Variants in ATP1B2 observed in about 807,000 individuals in gnomAD.
ATP1B2 encodes the protein sodium/potassium-transporting ATPase subunit beta-2.
ATP1B2 carries 12 observed loss-of-function variants against 37.3 expected under a neutral mutation model. That is an observed-to-expected ratio of 0.32 (90% CI 0.21 to 0.52). The LOEUF is 0.52. ATP1B2 is among the 20% of genes least tolerant of loss of function. The probability of loss-of-function intolerance (pLI) is 0.96; values close to 1 mark genes in which losing one functional copy is unlikely to be tolerated. For missense variants in ATP1B2, 324 were observed against 391.6 expected, an observed-to-expected ratio of 0.83 and a Z score of 1.46; for synonymous variants, 139 against 140.5, an observed-to-expected ratio of 0.99 and a Z score of 0.07.
rs1037455614 is a variant in ATP1B2 at position 7,656,027 on chromosome 17, C to G, written c.*132C>G. The G allele has an allele frequency of 1.6e-6, 2 of 1,262,726 alleles. No homozygotes were observed. The highest frequency in any genetic ancestry group is 2.2e-6 in the Non-Finnish European group (2 of 924,328). The allele number at this position is 1,262,726 out of a possible 1,614,324, so 78.2% of individuals were successfully genotyped here. Reference sequence around the variant, plus strand: ...CTATGACTTGTCTGAGCCTCACATCCTTTTCCTTGACTTCTCAACCCAGCC... The same window carrying G: ...CTATGACTTGTCTGAGCCTCACATCGTTTTCCTTGACTTCTCAACCCAGCC... On this transcript the variant is annotated 3_prime_UTR_variant, in exon 7 of 7. Coordinates refer to ENST00000250111, the MANE Select transcript of ATP1B2 (RefSeq NM_001678.5).
chr17:7,655,115 C>T lies in ATP1B2; in HGVS notation c.610-412C>T. On this transcript the variant is annotated intron_variant, in intron 5 of 6. Transcript: ENST00000250111. The surrounding 1 kb of genome is among the most constrained non-coding windows in gnomAD (Gnocchi z 4.4). ...CCACCAGTTCGTTGTCCTTGGGACC[C>T]TGTTCCCCGCTTCCCCCCCGGTCTG... is the stretch of plus-strand genomic sequence containing the variant. 6.4e-6 allele frequency: 2 copies of T among 314,618 alleles called. No individual in the cohort carries two copies. The highest frequency in any genetic ancestry group is 7.3e-5 in the East Asian group (1 of 13,618). 19.5% of individuals were successfully genotyped at this position (314,618 alleles called of 1,614,324 possible). A position where few individuals can be genotyped will look rare whatever the true frequency, so the allele number is the denominator to read the frequency against.
upstream of ATP1B2, among the ~76,000 whole-genome samples, chr17:7,650,712 A>G (rs1052296900): frequency 1.4e-4 from 21 of 150,738 alleles, no homozygotes; most frequent in East Asian, 2.7e-3. Flanking sequence ...TCTTCCTCCC[A>G]CCCTGTCCCA....
chr17:7,651,740 A>G (rs1009216432), intron 1 of ATP1B2, 110 bp downstream of exon 1: 33 of 950,488 alleles, frequency 3.5e-5, no homozygotes, highest in Non-Finnish European at 4.5e-5. Flanking sequence ...CCCGGCGTCC[A>G]GCCTCCCTGC....
chr17:7,650,877 C>A (rs1303187836), upstream of ATP1B2, among the ~76,000 whole-genome samples: 1 of 152,152 alleles, frequency 6.6e-6, no homozygotes, highest in Non-Finnish European at 1.5e-5. Flanking sequence ...GGGGCGGGCA[C>A]CCCCAGAGCC....
chr17:7,656,111 C>T lies in ATP1B2; in HGVS notation c.*216C>T. ...CCACCAACTTCTCCCAACCTCAGATCAGTCAGACAGGGAGCTGGGCTAAGA... is the reference window on the plus strand; with the variant it reads ...CCACCAACTTCTCCCAACCTCAGATTAGTCAGACAGGGAGCTGGGCTAAGA... On this transcript the variant is annotated 3_prime_UTR_variant, in exon 7 of 7. Transcript: ENST00000250111. 1 of 624,184 alleles carries T rather than the reference C, an allele frequency of 1.6e-6. No homozygotes were observed. Among genetic ancestry groups the T allele is most frequent in the South Asian group, 2.0e-5 (1 of 50,096 alleles). 38.7% of individuals were successfully genotyped at this position (624,184 alleles called of 1,614,324 possible). A position where few individuals can be genotyped will look rare whatever the true frequency, so the allele number is the denominator to read the frequency against.
chr17:7,650,671 C>T (rs1353292989), upstream of ATP1B2, among the ~76,000 whole-genome samples: 2 of 152,126 alleles, frequency 1.3e-5, no homozygotes, highest in Non-Finnish European at 2.9e-5. Context: ...GGTTATCTTT[C>T]CCTCTACTCC....
At position 7,651,612 on chromosome 17, in the gene ATP1B2, C is replaced by T. The variant is rs1452019600; in HGVS notation, c.94C>T (p.Arg32Cys). 6.2e-7 allele frequency: 1 copy of T among 1,602,694 alleles called. No homozygotes were observed. The highest frequency in any genetic ancestry group is 1.3e-5 in the African/African-American group (1 of 74,476). ...WNPRTHQFMG[R>C]TGTSWAFILL... ...CCCGAGGACGCACCAGTTTATGGGC[C>T]GCACCGGGACCAGCTGGGGTACGCA... The change falls in exon 1 of 7, where the codon CGC (arginine) becomes TGC (cysteine). Residue 32 changes from arginine to cysteine, a missense_variant. Coordinates refer to ENST00000250111, the MANE Select transcript of ATP1B2 (RefSeq NM_001678.5).
chr17:7,649,534 C>G (rs1280757771), upstream of ATP1B2, among the ~76,000 whole-genome samples: 2 of 151,854 alleles, frequency 1.3e-5, no homozygotes, highest in Non-Finnish European at 2.9e-5. Flanking sequence ...ACTACAGGCA[C>G]CCACCACCAT....
At position 7,654,803 on chromosome 17, in the gene ATP1B2, C is replaced by T. The variant is rs774712270; in HGVS notation, c.609+119C>T. The T allele has an allele frequency of 6.1e-5, 75 of 1,222,502 alleles. No individual in the cohort carries two copies. In the South Asian group the frequency reaches 9.3e-4, roughly 15 times the overall value. 75.7% of individuals were successfully genotyped at this position (1,222,502 alleles called of 1,614,324 possible). ...TTCTTTGCTCCTAGAGGCCCCATCA[C>T]CATAGAAACAAGGGGGTAAGAGTGG... On this transcript the variant is annotated intron_variant, in intron 5 of 6. Coordinates refer to ENST00000250111, the MANE Select transcript of ATP1B2 (RefSeq NM_001678.5). This position sits in a 1 kb window ranked among gnomAD's most constrained non-coding sequence, Gnocchi z 4.9.
upstream of ATP1B2, among the ~76,000 whole-genome samples, chr17:7,648,045 G>T (rs2072585722): frequency 6.6e-6 from 1 of 152,014 alleles, no homozygotes; most frequent in Admixed American, 6.6e-5. Flanking sequence ...TTCCACACCA[G>T]CCTGGCCAAC....
upstream of ATP1B2, among the ~76,000 whole-genome samples, chr17:7,649,719 A>G (rs2072597660): frequency 6.8e-6 from 1 of 146,530 alleles, no homozygotes; most frequent in African/African-American, 2.5e-5. Context: ...CGCCCAGCTA[A>G]TTTTTTTTTT....
At chr17:7,650,330 A>T (rs2072601741), upstream of ATP1B2, among the ~76,000 whole-genome samples, 1 of 152,064 alleles carries the variant, frequency 6.6e-6, no homozygotes, top group Non-Finnish European at 1.5e-5. Context: ...ACGTGGACAG[A>T]GCCAGGTGGT....
chr17:7,653,808 G>A lies in ATP1B2; in HGVS notation c.242-33G>A. On this transcript the variant is annotated intron_variant, in intron 2 of 6. Coordinates refer to ENST00000250111, the MANE Select transcript of ATP1B2 (RefSeq NM_001678.5). ...TCTGTGTGCAGTCCCTCATCTTATA[G>A]ATACCCCCAACTTCTGCCTTTGTTG... The A allele has an allele frequency of 4.4e-6, 7 of 1,600,112 alleles. No individual in the cohort carries two copies. The South Asian group carries it at 6.6e-5, about 15-fold the overall frequency.
At chr17:7,647,397 C>A (rs1026405093), upstream of ATP1B2, among the ~76,000 whole-genome samples, 10 of 152,148 alleles carry the variant, frequency 6.6e-5, no homozygotes, top group Non-Finnish European at 1.5e-5. Context: ...AGGCGGGGCT[C>A]ACACCTGCAA....
In ATP1B2 at chr17:7,656,165, A is replaced by T. The variant is rs951782700; in HGVS notation, c.*270A>T. On this transcript the variant is annotated 3_prime_UTR_variant, in exon 7 of 7. Coordinates refer to ENST00000250111, the MANE Select transcript of ATP1B2 (RefSeq NM_001678.5). ...CCACGGAGGAGTTAGGAGCCTTTCT[A>T]GTTCTGGTTTAGCTGTGAGAGCTAT... is the stretch of plus-strand genomic sequence containing the variant. 1 of 506,166 alleles carries T rather than the reference A, an allele frequency of 2.0e-6. No individual in the cohort carries two copies. Among genetic ancestry groups the T allele is most frequent in the Non-Finnish European group, 3.6e-6 (1 of 279,796 alleles). 31.4% of individuals were successfully genotyped at this position (506,166 alleles called of 1,614,324 possible). A position where few individuals can be genotyped will look rare whatever the true frequency, so the allele number is the denominator to read the frequency against.
Position 7,651,394 on chromosome 17 carries a change from G to A in ATP1B2, c.-125G>A. The A allele has an allele frequency of 2.5e-6, 2 of 787,852 alleles. No individual in the cohort carries two copies. Among genetic ancestry groups the A allele is most frequent in the South Asian group, 1.6e-5 (1 of 63,738 alleles). 48.8% of individuals were successfully genotyped at this position (787,852 alleles called of 1,614,324 possible). A position where few individuals can be genotyped will look rare whatever the true frequency, so the allele number is the denominator to read the frequency against. ...CTGCAGCAGCTGCATATCTGAGGGG[G>A]GTCTCCTTTGCCCGCGCCGCCTTCG... On this transcript the variant is annotated 5_prime_UTR_variant, in exon 1 of 7. Transcript: ENST00000250111.
upstream of ATP1B2, among the ~76,000 whole-genome samples, chr17:7,648,673 A>G (rs2072590135): frequency 6.6e-6 from 1 of 150,564 alleles, no homozygotes; most frequent in East Asian, 2.0e-4. Flanking sequence ...TCCATTTTGC[A>G]CTGGATCCTG....
At chr17:7,653,304 G>A in intron 1 of ATP1B2, 70 bp from the exon 2 acceptor site, 11 of 1,602,242 alleles carry the variant, frequency 6.9e-6, no homozygotes, top group East Asian at 6.7e-5. Context: ...GTGGGTAGAG[G>A]GGTGTGTGGG....
At position 7,655,504 on chromosome 17, in the gene ATP1B2, C is replaced by G. The variant is rs1425821486; in HGVS notation, c.610-23C>G. 4.3e-6 allele frequency: 7 copies of G among 1,613,118 alleles called. No homozygotes were observed. Among genetic ancestry groups the G allele is most frequent in the Non-Finnish European group, 5.9e-6 (7 of 1,179,228 alleles). On this transcript the variant is annotated intron_variant, in intron 5 of 6. Transcript: ENST00000250111. This position sits in a 1 kb window ranked among gnomAD's most constrained non-coding sequence, Gnocchi z 4.4. ...CCTGCCATCCCTAACTGGCTCACCC[C>G]CTATCTTCCTGCACCCCCACAGCGA...
Sources: gnomAD v4.1 joint callset for allele counts (sites outside exome capture counted in the v4.1 genomes callset) on GRCh38, gnomAD v4.1.1 for gene constraint, Gnocchi (gnomAD v3.1) non-coding constraint, MANE v1.5 for transcripts, NCBI Gene and HGNC (gene_info 2026-07-23, HGNC 2026-07-21) for gene names.